Variants in HS3ST3A1 observed in about 807,000 individuals in gnomAD.
The protein encoded by HS3ST3A1 is heparan sulfate glucosamine 3-O-sulfotransferase 3A1.
In HS3ST3A1, 19 loss-of-function variants were observed where a neutral mutation model predicts 25.7. The observed-to-expected ratio is 0.74, with a 90% confidence interval of 0.52 to 1.08. The LOEUF is 1.08. Ranked by LOEUF, HS3ST3A1 falls within the 50% of genes least tolerant of loss-of-function variation. The pLI is 0.00. For missense variants in HS3ST3A1, 459 were observed against 594.3 expected, an observed-to-expected ratio of 0.77 and a Z score of 2.37; for synonymous variants, 226 against 278.6, an observed-to-expected ratio of 0.81 and a Z score of 1.88.
At chr17:13,541,722 C>G (rs1009451265) in intron 1 of HS3ST3A1, among the ~76,000 whole-genome samples, 1 of 152,126 alleles carries the variant, frequency 6.6e-6, no homozygotes, top group Non-Finnish European at 1.5e-5. Flanking sequence ...CTTTGAACAT[C>G]GTGACCAGAT....
intron 1 of HS3ST3A1, among the ~76,000 whole-genome samples, chr17:13,504,852 G>A (rs1486297782): frequency 6.6e-6 from 1 of 152,148 alleles, no homozygotes; most frequent in Non-Finnish European, 1.5e-5. Flanking sequence ...CAAATCATAA[G>A]GACAGCAGCT....
chr17:13,507,611 A>G (rs1905726598), intron 1 of HS3ST3A1, among the ~76,000 whole-genome samples: 1 of 152,222 alleles, frequency 6.6e-6, no homozygotes, highest in East Asian at 1.9e-4. Context: ...CGTTTTTCAA[A>G]GGCTATCTTC....
chr17:13,521,612 G>A (rs951244824), intron 1 of HS3ST3A1, among the ~76,000 whole-genome samples: 2 of 152,136 alleles, frequency 1.3e-5, no homozygotes, highest in South Asian at 2.1e-4. Context: ...GGCCTTCAAG[G>A]TCTCACAAGT....
intron 1 of HS3ST3A1, among the ~76,000 whole-genome samples, chr17:13,551,407 G>T (rs1907239539): frequency 6.6e-6 from 1 of 150,488 alleles, no homozygotes; most frequent in African/African-American, 2.4e-5. Context: ...ATAAATACAG[G>T]ATCACCATTT....
At chr17:13,496,910 T>A in intron 1 of HS3ST3A1, 92 bp from the exon 2 acceptor site, 1 of 1,514,188 alleles carries the variant, frequency 6.6e-7, no homozygotes, top group East Asian at 2.3e-5. Context: ...AGGCCGCAAT[T>A]CCAGCCCCCG....
At chr17:13,544,826 T>G (rs1907039281) in intron 1 of HS3ST3A1, among the ~76,000 whole-genome samples, 4 of 151,700 alleles carry the variant, frequency 2.6e-5, no homozygotes, top group Non-Finnish European at 1.5e-5. Context: ...GAACCCTGAT[T>G]GGAGATTGTT....
chr17:13,526,320 G>C (rs896061959), intron 1 of HS3ST3A1, among the ~76,000 whole-genome samples: 10 of 151,752 alleles, frequency 6.6e-5, no homozygotes, highest in Non-Finnish European at 1.5e-4. Context: ...GAGCTCTTTA[G>C]TAGGTAGACG....
At chr17:13,551,015 C>G (rs1291924133) in intron 1 of HS3ST3A1, among the ~76,000 whole-genome samples, 5 of 143,214 alleles carry the variant, frequency 3.5e-5, no homozygotes, top group Admixed American at 1.4e-4. Flanking sequence ...TGCAGTGAGC[C>G]GAGATCGCGT....
intron 1 of HS3ST3A1, chr17:13,543,419 T>A (rs1263999712): frequency 6.1e-6 from 1 of 164,396 alleles, no homozygotes; most frequent in Non-Finnish European, 1.5e-5. Context: ...GAAAAAATAT[T>A]TTTTTTTCTC....
intron 1 of HS3ST3A1, among the ~76,000 whole-genome samples, chr17:13,578,554 C>G (rs571959499): frequency 6.1e-4 from 81 of 133,804 alleles, no homozygotes; most frequent in African/African-American, 2.3e-3. Context: ...CAGAGCCAGA[C>G]TCCATCTCAA....
intron 1 of HS3ST3A1, among the ~76,000 whole-genome samples, chr17:13,553,240 G>A (rs1907288423): frequency 6.6e-6 from 1 of 152,186 alleles, no homozygotes; most frequent in African/African-American, 2.4e-5. Context: ...GGGTTGAGGA[G>A]AGGTGTTCTG....
chr17:13,550,993 G>C (rs1598423781), intron 1 of HS3ST3A1, among the ~76,000 whole-genome samples: 1 of 151,524 alleles, frequency 6.6e-6, no homozygotes, highest in African/African-American at 2.4e-5. Context: ...CATGAACCCG[G>C]GAGGCGAAGC....
At chr17:13,501,784 A>T (rs977667297) in intron 1 of HS3ST3A1, among the ~76,000 whole-genome samples, 4 of 152,196 alleles carry the variant, frequency 2.6e-5, no homozygotes, top group African/African-American at 9.6e-5. Context: ...TGAATTCCCA[A>T]CTTCAGGAGA....
intron 1 of HS3ST3A1, among the ~76,000 whole-genome samples, chr17:13,531,824 G>T (rs2142332662): frequency 6.6e-6 from 1 of 152,206 alleles, no homozygotes; most frequent in African/African-American, 2.4e-5. Context: ...CCATGAATCT[G>T]TGAAAAATCT....
At chr17:13,500,916 T>G (rs1905453700) in intron 1 of HS3ST3A1, among the ~76,000 whole-genome samples, 1 of 152,238 alleles carries the variant, frequency 6.6e-6, no homozygotes, top group South Asian at 2.1e-4. Flanking sequence ...ATGTGGTTTA[T>G]GCATACAATG....
rs71144977 is a variant in HS3ST3A1 at position 13,585,186 on chromosome 17, C to CTTTTTTTTTTTTT, written c.599+15332_599+15344dup. On this transcript the variant is annotated intron_variant, in intron 1 of 1. Coordinates refer to ENST00000284110, the MANE Select transcript of HS3ST3A1 (RefSeq NM_006042.3). ...CAATCTAAATACTCATTTTTCTGTG[C>CTTTTTTTTTTTTT]TTTTTTTTTTTTTTTTTTTTTTTTT... 2.3e-3 allele frequency among the ~76,000 whole-genome samples: 75 copies of CTTTTTTTTTTTTT among 33,246 alleles called. 23 individuals carry two copies. Among genetic ancestry groups the CTTTTTTTTTTTTT allele is most frequent in the East Asian group, 5.6e-3 (4 of 716 alleles). 21.8% of individuals were successfully genotyped at this position (33,246 alleles called of 152,430 possible).
At position 13,601,914 on chromosome 17, in the gene HS3ST3A1, C is replaced by T. The variant is rs1430648794; in HGVS notation, c.-785G>A. On this transcript the variant is annotated 5_prime_UTR_variant, in exon 1 of 2. Coordinates refer to ENST00000284110, the MANE Select transcript of HS3ST3A1 (RefSeq NM_006042.3). ...CTCGCAGGCGCTCACCGGCTGCCTCCTGGGCCGCCGCTGGCCGCCGCCACA... is the reference window on the plus strand; with the variant it reads ...CTCGCAGGCGCTCACCGGCTGCCTCTTGGGCCGCCGCTGGCCGCCGCCACA... 1 of 4,938 alleles carries T rather than the reference C, an allele frequency of 2.0e-4. No homozygotes were observed. Among genetic ancestry groups the T allele is most frequent in the African/African-American group, 5.8e-4 (1 of 1,712 alleles). 0.3% of individuals were successfully genotyped at this position (4,938 alleles called of 1,614,324 possible).
chr17:13,529,410 C>G (rs1598415544), intron 1 of HS3ST3A1, among the ~76,000 whole-genome samples: 1 of 152,058 alleles, frequency 6.6e-6, no homozygotes, highest in Admixed American at 6.5e-5. Flanking sequence ...CAAGGAAGAC[C>G]ATCCATCCTA....
chr17:13,520,325 C>T (rs937715375), intron 1 of HS3ST3A1, among the ~76,000 whole-genome samples: 6 of 152,218 alleles, frequency 3.9e-5, no homozygotes, highest in African/African-American at 1.2e-4. Context: ...TAATTTAGGA[C>T]AGTTTCACTA....
Sources: allele counts gnomAD v4.1 joint callset (sites outside exome capture counted in the v4.1 genomes callset), GRCh38; gene constraint gnomAD v4.1.1; transcripts MANE v1.5; gene names NCBI Gene and HGNC (gene_info 2026-07-23, HGNC 2026-07-21).